The following RXFP1 variants were observed in gnomAD, a reference collection of about 807,000 sequenced individuals.
RXFP1 encodes relaxin receptor 1.
RXFP1 carries 73 observed loss-of-function variants against 89.8 expected under a neutral mutation model. That is an observed-to-expected ratio of 0.81 (90% CI 0.67 to 0.99). The LOEUF is 0.99. RXFP1 is among the 50% of genes least tolerant of loss of function. The pLI, the probability that RXFP1 is intolerant of heterozygous loss-of-function variation, is 0.00. For synonymous variants in RXFP1, 277 were observed against 305.5 expected, an observed-to-expected ratio of 0.91 and a Z score of 0.97; for missense variants, 793 against 895.5, an observed-to-expected ratio of 0.89 and a Z score of 1.46.
chr4:158,588,608 A>C (rs1464236475), intron 2 of RXFP1, among the ~76,000 whole-genome samples: 1 of 152,124 alleles, frequency 6.6e-6, no homozygotes, highest in Non-Finnish European at 1.5e-5. Flanking sequence ...CAAACAAATG[A>C]CCTTATACCT....
At chr4:158,567,746 A>G (rs984594420) in intron 1 of RXFP1, among the ~76,000 whole-genome samples, 3 of 152,208 alleles carry the variant, frequency 2.0e-5, no homozygotes, top group African/African-American at 4.8e-5. Context: ...CACACCAATC[A>G]GCACCCTGTC....
At chr4:158,650,162 C>T (rs1290782913) in intron 17 of RXFP1, among the ~76,000 whole-genome samples, 1 of 152,084 alleles carries the variant, frequency 6.6e-6, no homozygotes, top group Non-Finnish European at 1.5e-5. Context: ...TTTTATTTCA[C>T]TTACATGACG....
At chr4:158,625,288 A>T (rs1449127802) in intron 9 of RXFP1, among the ~76,000 whole-genome samples, 1 of 152,162 alleles carries the variant, frequency 6.6e-6, no homozygotes, top group African/African-American at 2.4e-5. Context: ...CACATTTAAG[A>T]TTCTAATACA....
chr4:158,595,910 G>A (rs1031382142), intron 3 of RXFP1, among the ~76,000 whole-genome samples: 93 of 151,932 alleles, frequency 6.1e-4, no homozygotes, highest in African/African-American at 2.2e-3. Context: ...ACTTTGCGAG[G>A]CTGAGGTAGG....
intron 1 of RXFP1, among the ~76,000 whole-genome samples, chr4:158,561,626 C>CTTTTTTTTTTTTTTTTTTTTTTTTTTTT: frequency 8.9e-6 from 1 of 112,620 alleles, no homozygotes; most frequent in Non-Finnish European, 1.8e-5. Flanking sequence ...TTCTTTTTTT[C>CTTTTTTTTTTTTTTTTTTTTTTTTTTTT]TTTTTTTTTT....
intron 2 of RXFP1, among the ~76,000 whole-genome samples, chr4:158,585,479 G>A (rs1409486645): frequency 6.6e-6 from 1 of 152,144 alleles, no homozygotes; most frequent in Non-Finnish European, 1.5e-5. Context: ...AACATGGGGG[G>A]AGAGAGATGC....
intron 12 of RXFP1, among the ~76,000 whole-genome samples, chr4:158,637,336 T>G (rs976618235): frequency 1.3e-5 from 2 of 152,170 alleles, no homozygotes; most frequent in African/African-American, 2.4e-5. Flanking sequence ...TCCATAATGG[T>G]TGTACTAATT....
At chr4:158,552,622 C>A (rs1217259372) in intron 1 of RXFP1, among the ~76,000 whole-genome samples, 1 of 152,100 alleles carries the variant, frequency 6.6e-6, no homozygotes, top group East Asian at 1.9e-4. Flanking sequence ...ACAGCAGGTT[C>A]AAGTTACAAA....
chr4:158,633,594 C>T (rs1055790724), intron 12 of RXFP1, 118 bp downstream of exon 12: 2 of 571,962 alleles, frequency 3.5e-6, no homozygotes, highest in South Asian at 2.6e-5. Context: ...GCATTAGCTA[C>T]ATTCACATTG....
intron 3 of RXFP1, 106 bp downstream of exon 3, chr4:158,593,605 C>G (rs1427470147): frequency 1.7e-6 from 1 of 596,096 alleles, no homozygotes; most frequent in Non-Finnish European, 2.7e-6. Flanking sequence ...ATCTGGAAAT[C>G]AGTTTTAATT....
chr4:158,616,422 T>G (rs1764577080), intron 8 of RXFP1, among the ~76,000 whole-genome samples: 1 of 151,778 alleles, frequency 6.6e-6, no homozygotes, highest in African/African-American at 2.4e-5. Context: ...AGAGCAAGAC[T>G]CTGTCTCAAA....
chr4:158,613,811 G>T (rs1449298926), intron 8 of RXFP1, among the ~76,000 whole-genome samples: 1 of 152,218 alleles, frequency 6.6e-6, no homozygotes, highest in Non-Finnish European at 1.5e-5. Flanking sequence ...AATGGTGAAT[G>T]CTTTCTAGAA....
chr4:158,579,303 C>G (rs571428429), intron 2 of RXFP1, among the ~76,000 whole-genome samples: 516 of 152,248 alleles, frequency 3.4e-3, no homozygotes, highest in Non-Finnish European at 5.9e-3. Context: ...GAGTCTCACT[C>G]TGTAGCCCAG....
At chr4:158,559,575 T>C (rs1417177435) in intron 1 of RXFP1, among the ~76,000 whole-genome samples, 2 of 152,198 alleles carry the variant, frequency 1.3e-5, no homozygotes, top group African/African-American at 4.8e-5. Context: ...AAAAAATTTT[T>C]TCATATACCT....
intron 1 of RXFP1, among the ~76,000 whole-genome samples, chr4:158,546,654 G>T (rs1748505131): frequency 6.6e-6 from 1 of 152,148 alleles, no homozygotes; most frequent in Non-Finnish European, 1.5e-5. Context: ...AGAGTTTTTA[G>T]CATGAAGGGT....
chr4:158,529,519 C>T (rs978184448), intron 1 of RXFP1, among the ~76,000 whole-genome samples: 2 of 152,146 alleles, frequency 1.3e-5, no homozygotes, highest in African/African-American at 4.8e-5. Context: ...CTCAGCCTCT[C>T]AAATCTCTGG....
chr4:158,635,817 A>G (rs1016126171), intron 12 of RXFP1, among the ~76,000 whole-genome samples: 1 of 151,530 alleles, frequency 6.6e-6, no homozygotes, highest in Non-Finnish European at 1.5e-5. Context: ...CTTATGGTCT[A>G]ATCTTCAGTA....
chr4:158,576,803 A>G (rs1392002746), intron 2 of RXFP1, among the ~76,000 whole-genome samples: 3 of 152,242 alleles, frequency 2.0e-5, no homozygotes, highest in African/African-American at 7.2e-5. Context: ...CCCAGTTGGC[A>G]TGCTGCTGCT....
intron 2 of RXFP1, among the ~76,000 whole-genome samples, chr4:158,592,170 A>AAT (rs1759605898): frequency 6.6e-6 from 1 of 152,144 alleles, no homozygotes; most frequent in Non-Finnish European, 1.5e-5. Context: ...AAAATATAGA[A>AAT]ATATATATAT....
Sources: allele counts gnomAD v4.1 joint callset (sites outside exome capture counted in the v4.1 genomes callset), GRCh38; gene constraint gnomAD v4.1.1; transcripts MANE v1.5; gene names NCBI Gene and HGNC (gene_info 2026-07-23, HGNC 2026-07-21).